ABHD2: variants seen among roughly 807,000 people sequenced by gnomAD.
ABHD2 encodes the protein abhydrolase domain containing 2, acylglycerol lipase.
ABHD2 carries 20 observed loss-of-function variants against 48.1 expected under a neutral mutation model. That is an observed-to-expected ratio of 0.42 (90% confidence interval 0.29 to 0.60). The LOEUF (loss-of-function observed/expected upper bound fraction) is 0.60. Among genes scored for constraint, ABHD2 ranks in the 20% least tolerant of loss-of-function variants. The pLI is 0.24. For missense variants in ABHD2, 405 were observed against 550.9 expected (o/e 0.74, Z 2.65); for synonymous variants, 209 against 214.2 (o/e 0.98, Z 0.21).
At chr15:89,047,977 A>G in the ABHD2 span, among the ~76,000 whole-genome samples, 6 of 148,152 alleles carry the variant, frequency 4.0e-5, no homozygotes, top group African/African-American at 5.0e-5. Context: ...TAGTTCATGC[A>G]GTTTCTTCCT....
At chr15:89,187,438 A>G (rs1467945765) in intron 7 of ABHD2, among the ~76,000 whole-genome samples, 1 of 152,212 alleles carries the variant, frequency 6.6e-6, no homozygotes, top group Admixed American at 6.5e-5. Flanking sequence ...GAGGTTGTGA[A>G]TGAGTCGCAG....
chr15:89,183,380 A>ATATATATGT (rs1198026419), intron 6 of ABHD2: 1 of 58,412 alleles, frequency 1.7e-5, no homozygotes, highest in African/African-American at 8.8e-5. Flanking sequence ...AAAAAAAAAA[A>ATATATATGT]AAAAATATAT....
At chr15:89,183,623 G>A (rs1420434455) in intron 6 of ABHD2, among the ~76,000 whole-genome samples, 1 of 151,466 alleles carries the variant, frequency 6.6e-6, no homozygotes, top group Non-Finnish European at 1.5e-5. Context: ...CTGAGCCCTG[G>A]GTCCCTGTGA....
chr15:89,087,445 G>A (rs1209006475), upstream of ABHD2: 4 of 152,206 alleles, frequency 2.6e-5, no homozygotes, highest in African/African-American at 9.7e-5. This position sits in a 1 kb window ranked among gnomAD's most constrained non-coding sequence, Gnocchi z 5.5. Context: ...CTTGGTACAC[G>A]ACATGCCATT....
At chr15:89,055,604 G>A in the ABHD2 span, among the ~76,000 whole-genome samples, 1 of 151,924 alleles carries the variant, frequency 6.6e-6, no homozygotes, top group South Asian at 2.1e-4. Flanking sequence ...CAAAGTGCTG[G>A]GATTACAGCC....
At position 89,116,741 on chromosome 15, in the gene ABHD2, G is replaced by A. The variant is rs1389410511; in HGVS notation, c.194+220G>A. 6.6e-6 allele frequency among the ~76,000 whole-genome samples: 1 copy of A among 152,192 alleles called. No homozygotes were observed. On this transcript the variant is annotated intron_variant, in intron 3 of 10. Coordinates refer to ENST00000352732, the MANE Select transcript of ABHD2 (RefSeq NM_152924.5). The surrounding 1 kb of genome is among the most constrained non-coding windows in gnomAD (Gnocchi z 4.6). ...TGCCTGAAACATTCCTTCCTCTACA[G>A]TGTGATGTCATTATCCATGACAGGG...
At chr15:89,135,068 CTTTA>C (rs986438775) in intron 3 of ABHD2, among the ~76,000 whole-genome samples, 2 of 147,168 alleles carry the variant, frequency 1.4e-5, no homozygotes, top group African/African-American at 5.0e-5. Context: ...TGTGTTCTTT[CTTTA>C]TTTATTTTTA....
Position 89,100,665 on chromosome 15 carries a change from C to A in ABHD2, c.-107+12102C>A, listed in dbSNP as rs932253881. Among the ~76,000 whole-genome samples the A allele has an allele frequency of 6.6e-6, 1 of 152,036 alleles. No individual in the cohort carries two copies. The highest frequency in any genetic ancestry group is 2.4e-5 in the African/African-American group (1 of 41,382). On this transcript the variant is annotated intron_variant, in intron 1 of 10. Coordinates refer to ENST00000352732, the MANE Select transcript of ABHD2 (RefSeq NM_152924.5). The surrounding 1 kb of genome is among the most constrained non-coding windows in gnomAD (Gnocchi z 4.4). ...TGGGTGGATCACGAGGTCAGGAGTT[C>A]GAGACCAGCCTGGCCAACATAGTGA...
rs1325140178 is a variant in ABHD2, at chr15:89,106,083, G to T, written c.-106-7642G>T. Among the ~76,000 whole-genome samples the T allele has an allele frequency of 2.6e-5, 4 of 152,162 alleles. No homozygotes were observed. Among genetic ancestry groups the T allele is most frequent in the Non-Finnish European group, 4.4e-5 (3 of 68,026 alleles). On this transcript the variant is annotated intron_variant, in intron 1 of 10. Transcript: ENST00000352732. This position sits in a 1 kb window ranked among gnomAD's most constrained non-coding sequence, Gnocchi z 4.2. ...AATTCCAGCACTTTGGGAGGCCGAGGCAGGTGGATCACCTGAGGTCAGGAG... is the reference window on the plus strand; with the variant it reads ...AATTCCAGCACTTTGGGAGGCCGAGTCAGGTGGATCACCTGAGGTCAGGAG...
rs947148388 is a variant in ABHD2, at chr15:89,182,085, G to A, written c.723-3339G>A. 2.6e-5 allele frequency among the ~76,000 whole-genome samples: 4 copies of A among 152,200 alleles called. No individual in the cohort carries two copies. The highest frequency in any genetic ancestry group is 2.0e-4 in the Admixed American group (3 of 15,282). On this transcript the variant is annotated intron_variant, in intron 6 of 10. Transcript: ENST00000352732. The surrounding 1 kb of genome is among the most constrained non-coding windows in gnomAD (Gnocchi z 4.8). ...ATTCTATTTATGTTGGTAATAGGTA[G>A]ATCAATGGATGGACAAAGTTCTTTA...
chr15:89,183,694 C>G (rs931425538), intron 6 of ABHD2, among the ~76,000 whole-genome samples: 2 of 151,898 alleles, frequency 1.3e-5, no homozygotes, highest in Non-Finnish European at 2.9e-5. Flanking sequence ...AAATCAAGGG[C>G]TGCAGCATCT....
At chr15:89,147,344 A>T (rs1244916300) in intron 3 of ABHD2, among the ~76,000 whole-genome samples, 1 of 145,638 alleles carries the variant, frequency 6.9e-6, no homozygotes, top group Non-Finnish European at 1.5e-5. Context: ...TGGGTATTGC[A>T]TAGCTCTTTT....
rs963791271 is a variant in ABHD2, at chr15:89,185,242, C to G, written c.723-182C>G. Among the ~76,000 whole-genome samples the G allele has an allele frequency of 2.0e-5, 3 of 152,176 alleles. No individual in the cohort carries two copies. The highest frequency in any genetic ancestry group is 2.9e-5 in the Non-Finnish European group (2 of 68,020). On this transcript the variant is annotated intron_variant, in intron 6 of 10. Transcript: ENST00000352732. This position sits in a 1 kb window ranked among gnomAD's most constrained non-coding sequence, Gnocchi z 5.9. Reference sequence around the variant, plus strand: ...CTTCCCCTGCGCTGTCTTGGTGTCTCCATAGATTTCTCCACAGGTGTTTGA... The same window carrying G: ...CTTCCCCTGCGCTGTCTTGGTGTCTGCATAGATTTCTCCACAGGTGTTTGA...
Position 89,088,875 on chromosome 15 carries a change from G to A in ABHD2, c.-107+312G>A, listed in dbSNP as rs1208088059. ...ATTGGTGCTCACTCCTGGGTCTTCAGGGGCCTGGGGAGGGGTCTGCCGGTT... is the reference window on the plus strand; with the variant it reads ...ATTGGTGCTCACTCCTGGGTCTTCAAGGGCCTGGGGAGGGGTCTGCCGGTT... On this transcript the variant is annotated intron_variant, in intron 1 of 10. Coordinates refer to ENST00000352732, the MANE Select transcript of ABHD2 (RefSeq NM_152924.5). The surrounding 1 kb of genome is among the most constrained non-coding windows in gnomAD (Gnocchi z 6.8). Among the ~76,000 whole-genome samples the A allele has an allele frequency of 6.6e-6, 1 of 152,250 alleles. No individual in the cohort carries two copies.
At chr15:89,067,137 C>T in the ABHD2 span, among the ~76,000 whole-genome samples, 17 of 152,188 alleles carry the variant, frequency 1.1e-4, no homozygotes, top group African/African-American at 3.9e-4. Flanking sequence ...TGAGACAAGA[C>T]AAGAGTGCAT....
Position 89,124,602 on chromosome 15 carries a change from A to G in ABHD2, c.194+8081A>G, listed in dbSNP as rs566379422. Among the ~76,000 whole-genome samples, 27 of 152,314 alleles carry G rather than the reference A, an allele frequency of 1.8e-4. No individual in the cohort carries two copies. The South Asian group carries it at 4.8e-3, about 27-fold the overall frequency. On this transcript the variant is annotated intron_variant, in intron 3 of 10. Coordinates refer to ENST00000352732, the MANE Select transcript of ABHD2 (RefSeq NM_152924.5). ...AACACTAAAGCTTTGTCCTTTTCAC[A>G]GGATAAATTCCTAATTGCCAAGAGC...
At chr15:89,122,213 C>A (rs188181202) in intron 3 of ABHD2, among the ~76,000 whole-genome samples, 1 of 152,324 alleles carries the variant, frequency 6.6e-6, no homozygotes, top group African/African-American at 2.4e-5. Flanking sequence ...CTTCCATCTT[C>A]CTACCATGTT....
At chr15:89,096,660 G>C (rs114598691) in intron 1 of ABHD2, among the ~76,000 whole-genome samples, 200 of 152,300 alleles carry the variant, frequency 1.3e-3, no homozygotes, top group African/African-American at 4.6e-3. Flanking sequence ...TTTCTGCCTT[G>C]AGGTCCTGTC....
chr15:89,155,737 C>A lies in ABHD2; in HGVS notation c.538+203C>A, dbSNP rs889060842. ...CAGCCTTTGAGATGGGCACTATAAC[C>A]ACCCTCACAGAGGCAGAAACTGAAG... On this transcript the variant is annotated intron_variant, in intron 5 of 10. Transcript: ENST00000352732. The surrounding 1 kb of genome is among the most constrained non-coding windows in gnomAD (Gnocchi z 4.9). Among the ~76,000 whole-genome samples the A allele has an allele frequency of 2.0e-5, 3 of 152,208 alleles. No individual in the cohort carries two copies. Among genetic ancestry groups the A allele is most frequent in the African/African-American group, 7.2e-5 (3 of 41,446 alleles).
Sources: gnomAD v4.1 joint callset for allele counts (sites outside exome capture counted in the v4.1 genomes callset) on GRCh38, gnomAD v4.1.1 for gene constraint, Gnocchi (gnomAD v3.1) non-coding constraint, MANE v1.5 for transcripts, NCBI Gene and HGNC (gene_info 2026-07-23, HGNC 2026-07-21) for gene names.